The following AKAP19 variants were observed in gnomAD, a reference collection of about 807,000 sequenced individuals.
AKAP19 encodes the protein small A-kinase anchoring protein.
chr2:189,961,559 G>C, the AKAP19 span, among the ~76,000 whole-genome samples: 1 of 151,690 alleles, frequency 6.6e-6, no homozygotes, highest in East Asian at 1.9e-4. Context: ...TCAAAATTAT[G>C]GTTTAATTTA....
the AKAP19 span, among the ~76,000 whole-genome samples, chr2:190,162,769 C>T: frequency 6.6e-6 from 1 of 151,936 alleles, no homozygotes; most frequent in Non-Finnish European, 1.5e-5. Flanking sequence ...TTGGAGTTTT[C>T]TTATTTAAGA....
chr2:190,118,928 G>A, the AKAP19 span, among the ~76,000 whole-genome samples: 282 of 152,306 alleles, frequency 1.9e-3, no homozygotes, highest in African/African-American at 6.5e-3. Context: ...AAGTCAAATT[G>A]TCCCTGTTTG....
At chr2:190,121,841 T>C in the AKAP19 span, among the ~76,000 whole-genome samples, 4 of 152,208 alleles carry the variant, frequency 2.6e-5, no homozygotes, top group Non-Finnish European at 5.9e-5. Flanking sequence ...GTTGGTCCTA[T>C]ATTGAAACTA....
At chr2:190,178,739 G>T in the AKAP19 span, among the ~76,000 whole-genome samples, 1 of 152,214 alleles carries the variant, frequency 6.6e-6, no homozygotes, top group Admixed American at 6.5e-5. The surrounding 1 kb of genome is among the most constrained non-coding windows in gnomAD (Gnocchi z 6.3). Context: ...CTGAGTGAAA[G>T]AAATTTTCAA....
the AKAP19 span, among the ~76,000 whole-genome samples, chr2:190,095,887 G>T: frequency 6.6e-6 from 1 of 152,168 alleles, no homozygotes; most frequent in South Asian, 2.1e-4. Context: ...AGACAGGTAG[G>T]TGAGAAGGAA....
chr2:189,926,585 CTT>C, the AKAP19 span, among the ~76,000 whole-genome samples: 47,815 of 71,982 alleles, frequency 0.66, 16,197 homozygotes, highest in Non-Finnish European at 0.78. Flanking sequence ...CGCGCCCGGC[CTT>C]TTTTTTTTTT....
At chr2:189,945,539 C>T in the AKAP19 span, among the ~76,000 whole-genome samples, 1 of 152,148 alleles carries the variant, frequency 6.6e-6, no homozygotes, top group Non-Finnish European at 1.5e-5. Flanking sequence ...GATTATAAAG[C>T]CAAAGACTAA....
the AKAP19 span, among the ~76,000 whole-genome samples, chr2:189,885,989 A>G: frequency 6.6e-5 from 10 of 152,060 alleles, no homozygotes; most frequent in East Asian, 1.9e-3. Flanking sequence ...TCGTATTTTT[A>G]GTAGAGACGG....
At chr2:189,917,428 C>A in the AKAP19 span, 1 of 794,214 alleles carries the variant, frequency 1.3e-6, no homozygotes, top group Non-Finnish European at 2.1e-6. Context: ...AAAACCATGT[C>A]TGTTTTTTTT....
the AKAP19 span, among the ~76,000 whole-genome samples, chr2:190,097,030 G>A: frequency 2.0e-5 from 3 of 152,168 alleles, no homozygotes; most frequent in Non-Finnish European, 2.9e-5. Context: ...ATTCAAACCA[G>A]AGCAATTCCC....
At chr2:190,062,541 C>T in the AKAP19 span, 5 of 1,613,266 alleles carry the variant, frequency 3.1e-6, no homozygotes, top group Non-Finnish European at 4.2e-6. Flanking sequence ...ATCCACTGGA[C>T]CAGCAACAAT....
chr2:190,078,817 A>G, the AKAP19 span, among the ~76,000 whole-genome samples: 1 of 152,200 alleles, frequency 6.6e-6, no homozygotes, highest in Non-Finnish European at 1.5e-5. Flanking sequence ...ATCAACTTGC[A>G]TAAACTCTCA....
chr2:189,897,060 G>C, the AKAP19 span, among the ~76,000 whole-genome samples: 2 of 152,152 alleles, frequency 1.3e-5, no homozygotes, highest in African/African-American at 4.8e-5. Flanking sequence ...ACTTTTCAAT[G>C]AATGTACTTC....
the AKAP19 span, among the ~76,000 whole-genome samples, chr2:189,978,459 A>C: frequency 6.6e-6 from 1 of 152,012 alleles, no homozygotes; most frequent in African/African-American, 2.4e-5. Context: ...CATCTCTACT[A>C]AAAATACAAA....
the AKAP19 span, among the ~76,000 whole-genome samples, chr2:189,940,892 A>G: frequency 2.0e-5 from 3 of 151,354 alleles, no homozygotes; most frequent in Non-Finnish European, 4.4e-5. Context: ...CTCCGTCTCA[A>G]AAAAAAAATT....
chr2:189,883,446 T>C, the AKAP19 span, among the ~76,000 whole-genome samples: 1 of 152,018 alleles, frequency 6.6e-6, no homozygotes, highest in African/African-American at 2.4e-5. Flanking sequence ...GAAATCAAGA[T>C]GCTGAACTTG....
At chr2:190,038,905 TTCTTC>T in the AKAP19 span, among the ~76,000 whole-genome samples, 4,724 of 82,410 alleles carry the variant, frequency 0.057, 404 homozygotes, top group African/African-American at 0.18. Context: ...TCTTTCTTTC[TTCTTC>T]TTCTTCTTCT....
chr2:190,009,111 G>A, the AKAP19 span, among the ~76,000 whole-genome samples: 1 of 152,200 alleles, frequency 6.6e-6, no homozygotes, highest in Non-Finnish European at 1.5e-5. Context: ...ACCACTGTGG[G>A]TGGAATAAAT....
chr2:190,039,026 T>C, the AKAP19 span, among the ~76,000 whole-genome samples: 1 of 60,462 alleles, frequency 1.7e-5, no homozygotes, highest in Non-Finnish European at 2.9e-5. Flanking sequence ...CTCTTCCTCT[T>C]CTTCCTCTTC....
Sources: gnomAD v4.1 joint callset for allele counts (sites outside exome capture counted in the v4.1 genomes callset) on GRCh38, gnomAD v4.1.1 for gene constraint, Gnocchi (gnomAD v3.1) non-coding constraint, MANE v1.5 for transcripts, NCBI Gene and HGNC (gene_info 2026-07-23, HGNC 2026-07-21) for gene names.